The following CRADD variants were observed in gnomAD, a reference collection of about 807,000 sequenced individuals.
The protein encoded by CRADD is death domain-containing protein CRADD.
A neutral mutation model predicts 15.5 loss-of-function variants in CRADD; 9 were observed. That is an observed-to-expected ratio of 0.58 (90% confidence interval 0.35 to 1.01). The LOEUF (loss-of-function observed/expected upper bound fraction) is 1.01. CRADD is among the 50% of genes least tolerant of loss of function. CRADD has a pLI of 0.02. For synonymous variants in CRADD, 118 were observed against 107.6 expected (o/e 1.10, Z -0.60); for missense variants, 227 against 250.3 (o/e 0.91, Z 0.63).
Position 93,677,396 on chromosome 12 carries a change from T to A in CRADD, c.-83T>A, listed in dbSNP as rs1290178503. 6.6e-6 allele frequency: 1 copy of A among 152,256 alleles called. No homozygotes were observed. The highest frequency in any genetic ancestry group is 2.4e-5 in the African/African-American group (1 of 41,466). 9.4% of individuals were successfully genotyped at this position (152,256 alleles called of 1,614,324 possible). A position where few individuals can be genotyped will look rare whatever the true frequency, so the allele number is the denominator to read the frequency against. ...TTTCGCCATTAACAAAGATGGTGCT[T>A]ATGGGGCAGGTTCCCTAACAGTCAG... On this transcript the variant is annotated 5_prime_UTR_variant, in exon 1 of 3. Coordinates refer to ENST00000332896, the MANE Select transcript of CRADD (RefSeq NM_003805.5).
chr12:93,834,618 A>C (rs1957953944), intron 2 of CRADD, among the ~76,000 whole-genome samples: 1 of 152,144 alleles, frequency 6.6e-6, no homozygotes, highest in Non-Finnish European at 1.5e-5. Context: ...CCTCCCAAGT[A>C]GCTGGGACTA....
intron 2 of CRADD, among the ~76,000 whole-genome samples, chr12:93,682,632 C>T (rs966742400): frequency 5.9e-5 from 9 of 152,054 alleles, no homozygotes; most frequent in African/African-American, 2.2e-4. Flanking sequence ...GTGATTGTTC[C>T]TGGTTAGTTG....
Position 93,724,764 on chromosome 12 carries a change from G to A in CRADD, c.298+45692G>A, listed in dbSNP as rs926922979. Among the ~76,000 whole-genome samples the A allele has an allele frequency of 1.8e-4, 27 of 152,046 alleles. 1 individual carries two copies. Among genetic ancestry groups the A allele is most frequent in the Admixed American group, 1.8e-3 (27 of 15,252 alleles). On this transcript the variant is annotated intron_variant, in intron 2 of 2. Transcript: ENST00000332896. ...AATTGTTACTGTTTTGTATTTTTTA[G>A]CATAGTTTTAGATGTTTTATTTTGC...
intron 2 of CRADD, among the ~76,000 whole-genome samples, chr12:93,818,285 A>T (rs562965778): frequency 2.0e-5 from 3 of 152,332 alleles, no homozygotes; most frequent in East Asian, 3.9e-4. Flanking sequence ...TATTGCTGAA[A>T]ATCTAAGTAT....
downstream of CRADD, among the ~76,000 whole-genome samples, chr12:93,855,037 A>G (rs981126636): frequency 2.6e-5 from 4 of 152,112 alleles, no homozygotes; most frequent in African/African-American, 9.7e-5. Flanking sequence ...TCTACTAAAA[A>G]TATAAAAATT....
chr12:93,729,733 C>T (rs982590329), intron 2 of CRADD, among the ~76,000 whole-genome samples: 5 of 148,328 alleles, frequency 3.4e-5, no homozygotes, highest in African/African-American at 1.3e-4. Context: ...TGCAGTGAGC[C>T]GAGATTGCGC....
intron 2 of CRADD, among the ~76,000 whole-genome samples, chr12:93,893,717 C>G (rs747839425): frequency 6.6e-6 from 1 of 152,026 alleles, no homozygotes. Context: ...ACCAGCCTGG[C>G]CAACATGATG....
intron 2 of CRADD, chr12:93,738,698 G>A: frequency 2.4e-6 from 1 of 417,780 alleles, no homozygotes; most frequent in Admixed American, 4.2e-5. Context: ...CATAAATAAT[G>A]GAAATCTTAA....
At position 93,888,286 on chromosome 12, in the gene CRADD, ATGG is replaced by A. The variant is rs553311775; in HGVS notation, c.299-5757_299-5755del. Among the ~76,000 whole-genome samples, 243 of 152,214 alleles carry A rather than the reference ATGG, an allele frequency of 1.6e-3. 1 individual carries two copies. The highest frequency in any genetic ancestry group is 2.8e-3 in the Non-Finnish European group (192 of 68,004). On this transcript the variant is annotated intron_variant, in intron 2 of 2. Transcript: ENST00000548483. ...TAAAAATACAAAAAAATTAGCGGGC[ATGG>A]TGGTGGGCGCTTGTAGTCTTAGCTA...
intron 2 of CRADD, among the ~76,000 whole-genome samples, chr12:93,752,433 T>C (rs1249652613): frequency 6.6e-6 from 1 of 152,218 alleles, no homozygotes. Flanking sequence ...TAGGCCCTTT[T>C]AGGTCTTCAG....
chr12:93,721,966 C>A (rs2136889838), intron 2 of CRADD, among the ~76,000 whole-genome samples: 1 of 152,254 alleles, frequency 6.6e-6, no homozygotes, highest in East Asian at 1.9e-4. Context: ...TTATTTCTGA[C>A]CTAACATTAT....
intron 2 of CRADD, among the ~76,000 whole-genome samples, chr12:93,702,397 A>T (rs7954185): frequency 0.53 from 80,896 of 151,402 alleles, 22,067 homozygotes; most frequent in East Asian, 0.67. Context: ...GGGTGTTGAC[A>T]TCATTAACTG....
chr12:93,850,736 A>T lies in CRADD; in HGVS notation c.*465A>T. 5.1e-6 allele frequency: 5 copies of T among 984,120 alleles called. No individual in the cohort carries two copies. The highest frequency in any genetic ancestry group is 6.0e-6 in the Non-Finnish European group (5 of 829,188). The allele number at this position is 984,120 out of a possible 1,614,324, so 61.0% of individuals were successfully genotyped here. A position where few individuals can be genotyped will look rare whatever the true frequency, so the allele number is the denominator to read the frequency against. On this transcript the variant is annotated 3_prime_UTR_variant, in exon 3 of 3. Coordinates refer to ENST00000332896, the MANE Select transcript of CRADD (RefSeq NM_003805.5). This position sits in a 1 kb window ranked among gnomAD's most constrained non-coding sequence, Gnocchi z 4.0. ...AATAAAATGCGAATTACTATATATA[A>T]TGTGCCTCACTCATGAGAAAGTACC...
chr12:93,847,165 C>G (rs140444851), intron 2 of CRADD, among the ~76,000 whole-genome samples: 2,470 of 152,226 alleles, frequency 0.016, 38 homozygotes, highest in Non-Finnish European at 0.024. Context: ...AACATATACC[C>G]TGGTCTAAAG....
chr12:93,775,121 G>A (rs1194258700), intron 2 of CRADD, among the ~76,000 whole-genome samples: 1 of 152,198 alleles, frequency 6.6e-6, no homozygotes, highest in African/African-American at 2.4e-5. Context: ...GCTCCTGTGA[G>A]CATTTGGTGC....
At chr12:93,884,106 A>G (rs1005890) in intron 2 of CRADD, among the ~76,000 whole-genome samples, 22,328 of 152,168 alleles carry the variant, frequency 0.15, 1,899 homozygotes, top group African/African-American at 0.23. Context: ...AAGGGTATGA[A>G]TACCAGGAGC....
chr12:93,893,470 G>A (rs531431154), intron 2 of CRADD, among the ~76,000 whole-genome samples: 8 of 152,034 alleles, frequency 5.3e-5, no homozygotes, highest in Non-Finnish European at 1.0e-4. Context: ...AGGCAGACAC[G>A]GCATACTTAT....
intron 2 of CRADD, among the ~76,000 whole-genome samples, chr12:93,784,318 T>A (rs1429045591): frequency 2.0e-5 from 3 of 152,154 alleles, no homozygotes; most frequent in African/African-American, 7.2e-5. Context: ...TGACAGGCAC[T>A]GCACTAAGTC....
At chr12:93,833,743 A>G (rs1957937099) in intron 2 of CRADD, among the ~76,000 whole-genome samples, 1 of 151,790 alleles carries the variant, frequency 6.6e-6, no homozygotes, top group African/African-American at 2.4e-5. Flanking sequence ...TTGAACAAAC[A>G]TTTTTTCACA....
Sources: gnomAD v4.1 joint callset for allele counts (sites outside exome capture counted in the v4.1 genomes callset) on GRCh38, gnomAD v4.1.1 for gene constraint, Gnocchi (gnomAD v3.1) non-coding constraint, MANE v1.5 for transcripts, NCBI Gene and HGNC (gene_info 2026-07-23, HGNC 2026-07-21) for gene names.